Variants in SNX7 observed in about 807,000 individuals in gnomAD.
The protein encoded by SNX7 is sorting nexin-7.
A neutral mutation model predicts 48.4 loss-of-function variants in SNX7; 35 were observed. The observed-to-expected ratio is 0.72, with a 90% CI of 0.55 to 0.96. SNX7 has a LOEUF of 0.96. Among genes scored for constraint, SNX7 ranks in the 40% least tolerant of loss-of-function variants. The pLI, the probability that SNX7 is intolerant of heterozygous loss-of-function variation, is 0.00. For missense variants in SNX7, 553 were observed against 548.9 expected, an observed-to-expected ratio of 1.01 and a Z score of -0.07; for synonymous variants, 190 against 190.2, an observed-to-expected ratio of 1.00 and a Z score of 0.01.
At chr1:98,671,058 G>A (rs1164552891) in intron 1 of SNX7, among the ~76,000 whole-genome samples, 2 of 152,156 alleles carry the variant, frequency 1.3e-5, no homozygotes, top group African/African-American at 4.8e-5. Context: ...GGTCCTCATA[G>A]CCTGCTGTAG....
At chr1:98,680,720 C>G (rs967552769) in intron 1 of SNX7, among the ~76,000 whole-genome samples, 1 of 152,160 alleles carries the variant, frequency 6.6e-6, no homozygotes, top group African/African-American at 2.4e-5. Context: ...TAAAACATAG[C>G]AAGAGTCACC....
At chr1:98,689,398 C>A (rs1368234973) in intron 2 of SNX7, among the ~76,000 whole-genome samples, 1 of 152,144 alleles carries the variant, frequency 6.6e-6, no homozygotes, top group African/African-American at 2.4e-5. Context: ...TCGTTGCTTG[C>A]ACTTATCCTC....
At chr1:98,677,477 T>C (rs1650227393) in intron 1 of SNX7, 1 of 152,176 alleles carries the variant, frequency 6.6e-6, no homozygotes, top group African/African-American at 2.4e-5. Context: ...ATTGAGCCAA[T>C]AAGTAAACAT....
At chr1:98,746,909 T>G (rs1030158396) in intron 8 of SNX7, among the ~76,000 whole-genome samples, 1 of 152,084 alleles carries the variant, frequency 6.6e-6, no homozygotes, top group African/African-American at 2.4e-5. Context: ...CAAAGTTAGT[T>G]TGAATAAGAT....
At chr1:98,716,081 G>T (rs1269261841) in intron 7 of SNX7, among the ~76,000 whole-genome samples, 1 of 152,116 alleles carries the variant, frequency 6.6e-6, no homozygotes, top group Non-Finnish European at 1.5e-5. Flanking sequence ...GACAGCGAGA[G>T]ACAGGCTCTC....
intron 6 of SNX7, among the ~76,000 whole-genome samples, chr1:98,701,576 G>C (rs956423218): frequency 6.6e-6 from 1 of 151,248 alleles, no homozygotes; most frequent in Non-Finnish European, 1.5e-5. Flanking sequence ...TGGGTAAAAT[G>C]TGCATTAGGA....
chr1:98,691,725 A>T (rs775877556), intron 4 of SNX7, 26 bp downstream of exon 4: 2 of 1,553,248 alleles, frequency 1.3e-6, no homozygotes, highest in African/African-American at 2.8e-5. Context: ...TTATACTCAT[A>T]TAATCTTTGG....
chr1:98,758,412 T>C (rs1654956504), intron 8 of SNX7, among the ~76,000 whole-genome samples: 1 of 152,006 alleles, frequency 6.6e-6, no homozygotes, highest in Admixed American at 6.6e-5. Flanking sequence ...CTATTTTATT[T>C]TGTTATTTCT....
chr1:98,755,890 T>A (rs1426809675), intron 8 of SNX7, among the ~76,000 whole-genome samples: 2 of 152,058 alleles, frequency 1.3e-5, no homozygotes, highest in Non-Finnish European at 2.9e-5. Flanking sequence ...CTGCATCTTT[T>A]AATGGTGTGT....
chr1:98,752,166 C>T (rs1432193930), intron 8 of SNX7, among the ~76,000 whole-genome samples: 3 of 152,018 alleles, frequency 2.0e-5, no homozygotes, highest in African/African-American at 7.2e-5. Flanking sequence ...TTATATCCTC[C>T]AATTATGATC....
chr1:98,727,635 ACATTACAGG>A (rs1410110159), intron 7 of SNX7, among the ~76,000 whole-genome samples: 2 of 152,168 alleles, frequency 1.3e-5, no homozygotes, highest in East Asian at 3.9e-4. Flanking sequence ...CCATGATGAA[ACATTACAGG>A]CATTACAGGA....
intron 8 of SNX7, among the ~76,000 whole-genome samples, chr1:98,754,155 A>G (rs550421204): frequency 6.0e-4 from 91 of 152,152 alleles, no homozygotes; most frequent in Middle Eastern, 3.4e-3. Context: ...ATTGCATTTA[A>G]TATCATCATT....
At chr1:98,749,865 T>C (rs1359981532) in intron 8 of SNX7, among the ~76,000 whole-genome samples, 16 of 152,112 alleles carry the variant, frequency 1.1e-4, no homozygotes, top group Non-Finnish European at 5.9e-5. Flanking sequence ...CAACGTTTTC[T>C]CAAATGTAGG....
At chr1:98,662,904 A>C in intron 1 of SNX7, 1 of 1,179,462 alleles carries the variant, frequency 8.5e-7, no homozygotes, top group African/African-American at 1.6e-5. Flanking sequence ...CTGACTCCAA[A>C]GAGGAGTATA....
chr1:98,757,859 C>T (rs1654929238), intron 8 of SNX7, among the ~76,000 whole-genome samples: 1 of 152,060 alleles, frequency 6.6e-6, no homozygotes, highest in African/African-American at 2.4e-5. Context: ...TCACATTGAC[C>T]TTTCACAAAC....
At chr1:98,700,652 C>T (rs1469680389) in intron 6 of SNX7, among the ~76,000 whole-genome samples, 1 of 151,888 alleles carries the variant, frequency 6.6e-6, no homozygotes, top group East Asian at 1.9e-4. Context: ...TCAAGTGGTC[C>T]TCCCACCTCT....
At chr1:98,702,166 T>C (rs1411745855) in intron 7 of SNX7, among the ~76,000 whole-genome samples, 1 of 152,094 alleles carries the variant, frequency 6.6e-6, no homozygotes, top group African/African-American at 2.4e-5. Context: ...AAAAAGGAAA[T>C]AATGTGTTAG....
intron 1 of SNX7, chr1:98,662,654 A>G (rs1649311440): frequency 7.8e-7 from 1 of 1,287,316 alleles, no homozygotes; most frequent in Non-Finnish European, 1.0e-6. Flanking sequence ...GGTGTTTGTA[A>G]TTTCTTAAAG....
intron 8 of SNX7, among the ~76,000 whole-genome samples, chr1:98,750,778 A>C (rs1271245689): frequency 1.3e-5 from 2 of 152,126 alleles, no homozygotes; most frequent in African/African-American, 4.8e-5. Context: ...CTGTAGTGGT[A>C]CTGAAAATAT....
Sources: allele counts gnomAD v4.1 joint callset (sites outside exome capture counted in the v4.1 genomes callset), GRCh38; gene constraint gnomAD v4.1.1; transcripts MANE v1.5; gene names NCBI Gene and HGNC (gene_info 2026-07-23, HGNC 2026-07-21).